GMFB: variants seen among roughly 807,000 people sequenced by gnomAD.
GMFB encodes glia maturation factor beta.
GMFB carries 13 observed loss-of-function variants against 25.6 expected under a neutral mutation model. The observed-to-expected ratio is 0.51, with a 90% confidence interval of 0.33 to 0.81. The LOEUF (loss-of-function observed/expected upper bound fraction) is 0.81. Among genes scored for constraint, GMFB ranks in the 30% least tolerant of loss-of-function variants. GMFB has a pLI of 0.02. For synonymous variants in GMFB, 57 were observed against 56.9 expected, an observed-to-expected ratio of 1.00 and a Z score of 0.00; for missense variants, 146 against 175.4, an observed-to-expected ratio of 0.83 and a Z score of 0.95.
chr14:54,483,700 C>A lies in GMFB; in HGVS notation c.71G>T (p.Arg24Leu), dbSNP rs780914827. 6.2e-6 allele frequency: 10 copies of A among 1,603,398 alleles called. No individual in the cohort carries two copies. The highest frequency in any genetic ancestry group is 8.5e-6 in the Non-Finnish European group (10 of 1,170,660). The change falls in exon 2 of 7, where the codon CGC (arginine) becomes CTC (leucine). Residue 24 changes from arginine (R) to leucine (L), a missense_variant. Arg to Leu is a moderately radical substitution (Grantham distance 102, BLOSUM62 -2). Transcript: ENST00000358056. ...AATAGCAGCGTTGTTCGTTTCTTTG[C>A]GAAAACGAAACTTTCTCAGCTTTTC... ...LVEKLRKFRF[R>L]KETNNAAIIM... is the part of the protein sequence containing the mutation.
At chr14:54,483,083 A>T (rs370580118) in intron 2 of GMFB, 13 of 152,474 alleles carry the variant, frequency 8.5e-5, no homozygotes, top group African/African-American at 3.1e-4. Context: ...CATCTTTCTA[A>T]ATCACTACCT....
intron 4 of GMFB, 137 bp downstream of exon 4, chr14:54,481,272 C>T (rs942304910): frequency 1.1e-5 from 7 of 644,212 alleles, no homozygotes; most frequent in Admixed American, 2.7e-5. Context: ...TTTTCTTAGT[C>T]TAGTATATGC....
At chr14:54,486,026 C>T (rs188201340) in intron 1 of GMFB, among the ~76,000 whole-genome samples, 2,686 of 152,102 alleles carry the variant, frequency 0.018, 37 homozygotes, top group Middle Eastern at 0.034. Context: ...CCGAGGCGGG[C>T]GGATCATGAG....
At position 54,476,346 on chromosome 14, in the gene GMFB, C is replaced by G. The variant is rs1357215149; in HGVS notation, c.*1742G>C. The G allele has an allele frequency of 3.3e-5, 5 of 152,016 alleles. No homozygotes were observed. The highest frequency in any genetic ancestry group is 4.8e-5 in the African/African-American group (2 of 41,418). The allele number at this position is 152,016 out of a possible 1,614,324, so 9.4% of individuals were successfully genotyped here. A position where few individuals can be genotyped will look rare whatever the true frequency, so the allele number is the denominator to read the frequency against. On this transcript the variant is annotated 3_prime_UTR_variant, in exon 7 of 7. Transcript: ENST00000358056. ...TCTTACTGCTGCAAAACAGGTGAAA[C>G]AAAACCTCATTTCCTTCATTCAAAA... is the stretch of plus-strand genomic sequence containing the variant.
intron 2 of GMFB, 61 bp from the exon 3 acceptor site, chr14:54,482,263 C>G: frequency 9.7e-7 from 1 of 1,033,654 alleles, no homozygotes. Flanking sequence ...TCTGCCCAAC[C>G]CACACAATCT....
chr14:54,481,403 G>A lies in GMFB; in HGVS notation c.200+6C>T. On this transcript the variant is annotated splice_donor_region_variant and intron_variant, in intron 4 of 6. Coordinates refer to ENST00000358056, the MANE Select transcript of GMFB (RefSeq NM_004124.3). ...TAAATCTTTTAAAGCACTAAGAAAA[G>A]GATATCGAGGTTGTCGTTCAGGTAG... 1 of 1,586,222 alleles carries A rather than the reference G, an allele frequency of 6.3e-7. No homozygotes were observed. Among genetic ancestry groups the A allele is most frequent in the Non-Finnish European group, 8.7e-7 (1 of 1,155,170 alleles).
Position 54,483,940 on chromosome 14 carries a change from T to C in GMFB, c.4-173A>G, listed in dbSNP as rs1165600209. ...ACTTTAAAATCAACCAACCTTTGGA[T>C]CTACATTGCTTAATCCTACAAATTT... is the stretch of plus-strand genomic sequence containing the variant. On this transcript the variant is annotated intron_variant, in intron 1 of 6. Coordinates refer to ENST00000358056, the MANE Select transcript of GMFB (RefSeq NM_004124.3). 1.2e-5 allele frequency: 8 copies of C among 690,448 alleles called. No individual in the cohort carries two copies. The Admixed American group carries it at 1.6e-4, about 14-fold the overall frequency. The allele number at this position is 690,448 out of a possible 1,614,324, so 42.8% of individuals were successfully genotyped here. A position where few individuals can be genotyped will look rare whatever the true frequency, so the allele number is the denominator to read the frequency against.
Position 54,488,955 on chromosome 14 carries a change from G to T in GMFB, c.-28C>A. 6.4e-7 allele frequency: 1 copy of T among 1,557,342 alleles called. No homozygotes were observed. Among genetic ancestry groups the T allele is most frequent in the Non-Finnish European group, 8.7e-7 (1 of 1,154,492 alleles). ...TCCTTCCGGCCGTCAGCGGCCTGTC[G>T]CCTACACTCGGGCGCCTTTAAGAAT... On this transcript the variant is annotated 5_prime_UTR_variant, in exon 1 of 7. Coordinates refer to ENST00000358056, the MANE Select transcript of GMFB (RefSeq NM_004124.3).
chr14:54,488,426 G>A (rs886898525), intron 1 of GMFB, among the ~76,000 whole-genome samples: 3 of 152,242 alleles, frequency 2.0e-5, no homozygotes, highest in Non-Finnish European at 4.4e-5. Flanking sequence ...AAGGAGCAGA[G>A]AGAAAGAAGC....
chr14:54,475,559 G>A lies in GMFB; in HGVS notation c.*2529C>T, dbSNP rs1400456552. ...CCAACTTTTTTCCTAATATAATTGC[G>A]TCAATACCAGAACAAAGTGATCACT... On this transcript the variant is annotated 3_prime_UTR_variant, in exon 7 of 7. Transcript: ENST00000358056. The A allele has an allele frequency of 6.6e-6, 1 of 152,416 alleles. No homozygotes were observed. Among genetic ancestry groups the A allele is most frequent in the Non-Finnish European group, 1.5e-5 (1 of 67,940 alleles). 9.4% of individuals were successfully genotyped at this position (152,416 alleles called of 1,614,324 possible).
chr14:54,478,081 G>T lies in GMFB; in HGVS notation c.*7C>A. 7.7e-7 allele frequency: 1 copy of T among 1,292,046 alleles called. No homozygotes were observed. Among genetic ancestry groups the T allele is most frequent in the Non-Finnish European group, 1.1e-6 (1 of 927,946 alleles). 80.0% of individuals were successfully genotyped at this position (1,292,046 alleles called of 1,614,324 possible). A position where few individuals can be genotyped will look rare whatever the true frequency, so the allele number is the denominator to read the frequency against. ...ACATAAATACTTTAGAAACACAGAA[G>T]TTCACATTAGTGAAAAAATCCAAGT... is the stretch of plus-strand genomic sequence containing the variant. On this transcript the variant is annotated 3_prime_UTR_variant, in exon 7 of 7. Coordinates refer to ENST00000358056, the MANE Select transcript of GMFB (RefSeq NM_004124.3).
chr14:54,479,308 A>C (rs1292769136), intron 6 of GMFB: 2 of 152,198 alleles, frequency 1.3e-5, no homozygotes, highest in African/African-American at 4.8e-5. Flanking sequence ...GACATGTTAA[A>C]TCTTAAAGCA....
intron 2 of GMFB, chr14:54,483,042 G>A (rs1313377925): frequency 2.0e-5 from 3 of 152,158 alleles, no homozygotes; most frequent in Non-Finnish European, 4.4e-5. Flanking sequence ...GGTCTCTAGA[G>A]TTTTACATTT....
In GMFB at chr14:54,480,008, A is replaced by G. The variant is rs541383272; in HGVS notation, c.284-149T>C. On this transcript the variant is annotated intron_variant, in intron 5 of 6. Coordinates refer to ENST00000358056, the MANE Select transcript of GMFB (RefSeq NM_004124.3). ...ATATGGGTTGTATTTTGAGTCTTAC[A>G]TTGCACACTGCCTACAGAAAGAGAC... The G allele has an allele frequency of 7.0e-6, 4 of 569,298 alleles. No homozygotes were observed. The East Asian group carries it at 8.8e-5, about 13-fold the overall frequency. 35.3% of individuals were successfully genotyped at this position (569,298 alleles called of 1,614,324 possible). A position where few individuals can be genotyped will look rare whatever the true frequency, so the allele number is the denominator to read the frequency against.
intron 5 of GMFB, 173 bp from the exon 6 acceptor site, chr14:54,480,032 A>G (rs1488891052): frequency 2.0e-6 from 1 of 508,392 alleles, no homozygotes; most frequent in Non-Finnish European, 3.5e-6. Flanking sequence ...ACAGAAAGAG[A>G]CAGTTAAGTT....
intron 1 of GMFB, among the ~76,000 whole-genome samples, chr14:54,486,670 C>T (rs1195376932): frequency 6.6e-6 from 1 of 152,154 alleles, no homozygotes; most frequent in African/African-American, 2.4e-5. Flanking sequence ...ATGAGAGAAA[C>T]ACTGTTATAT....
At chr14:54,485,531 A>G (rs2031769501) in intron 1 of GMFB, among the ~76,000 whole-genome samples, 1 of 152,180 alleles carries the variant, frequency 6.6e-6, no homozygotes, top group African/African-American at 2.4e-5. Context: ...ACATACAAAA[A>G]TGGAAAGATT....
At chr14:54,481,254 C>T (rs1372231386) in intron 4 of GMFB, 155 bp downstream of exon 4, 1 of 596,678 alleles carries the variant, frequency 1.7e-6, no homozygotes, top group Admixed American at 3.0e-5. Flanking sequence ...AATAAACCAA[C>T]TTTTCATTTT....
At chr14:54,478,628 C>G (rs2031671491) in intron 6 of GMFB, 2 of 152,288 alleles carry the variant, frequency 1.3e-5, no homozygotes, top group Admixed American at 1.3e-4. Flanking sequence ...CAGCAAGAAT[C>G]TGAATCAGGC....
Sources: allele counts gnomAD v4.1 joint callset (sites outside exome capture counted in the v4.1 genomes callset), GRCh38; gene constraint gnomAD v4.1.1; transcripts MANE v1.5; gene names NCBI Gene and HGNC (gene_info 2026-07-23, HGNC 2026-07-21).